Variants in HFM1 observed in about 807,000 individuals in gnomAD.
HFM1 encodes helicase for meiosis 1.
Under a neutral mutation model 192.1 loss-of-function variants are expected in HFM1, and 169 were observed. That is an observed-to-expected ratio of 0.88 (90% confidence interval 0.78 to 1.00). The LOEUF (loss-of-function observed/expected upper bound fraction) is 1.00. HFM1 is among the 50% of genes least tolerant of loss of function. HFM1 has a pLI of 0.00. For synonymous variants in HFM1, 525 were observed against 537.8 expected (o/e 0.98, Z 0.33); for missense variants, 1,661 against 1,668.0 (o/e 1.00, Z 0.07).
At chr1:91,406,302 A>G (rs1664809577), upstream of HFM1, among the ~76,000 whole-genome samples, 1 of 152,196 alleles carries the variant, frequency 6.6e-6, no homozygotes, top group Admixed American at 6.5e-5. Flanking sequence ...TTGAACTAAG[A>G]TAGGGTTTGA....
At chr1:91,272,295 C>T (rs1041684482) in intron 34 of HFM1, among the ~76,000 whole-genome samples, 4 of 151,884 alleles carry the variant, frequency 2.6e-5, no homozygotes, top group Admixed American at 2.0e-4. Flanking sequence ...AAAGGTTATA[C>T]TAAATATCAG....
At chr1:91,349,846 A>C (rs1656687609) in intron 18 of HFM1, among the ~76,000 whole-genome samples, 1 of 152,234 alleles carries the variant, frequency 6.6e-6, no homozygotes, top group Non-Finnish European at 1.5e-5. Flanking sequence ...TGGAAAACTA[A>C]TACAATATGC....
At chr1:91,371,903 C>T (rs539699367) in intron 13 of HFM1, among the ~76,000 whole-genome samples, 1 of 152,134 alleles carries the variant, frequency 6.6e-6, no homozygotes, top group Non-Finnish European at 1.5e-5. Context: ...AAAAAACAAA[C>T]AACCCCAACA....
At chr1:91,290,885 G>A (rs1018401629) in intron 30 of HFM1, among the ~76,000 whole-genome samples, 1 of 152,058 alleles carries the variant, frequency 6.6e-6, no homozygotes, top group East Asian at 1.9e-4. Context: ...CTAGAACTCA[G>A]GATTAAGAAT....
chr1:91,353,030 C>T (rs199647807), intron 15 of HFM1, 21 bp downstream of exon 15: 82 of 1,430,424 alleles, frequency 5.7e-5, no homozygotes, highest in East Asian at 1.1e-4. Context: ...ATAGTATCCA[C>T]GAGAAATATG....
rs566024375 is a variant in HFM1, at chr1:91,269,036, C to T, written c.3773-1181G>A. Among the ~76,000 whole-genome samples the T allele has an allele frequency of 2.4e-3, 358 of 152,222 alleles. 3 individuals carry two copies. The highest frequency in any genetic ancestry group is 6.7e-3 in the Admixed American group (103 of 15,290). On this transcript the variant is annotated intron_variant, in intron 34 of 38. Coordinates refer to ENST00000370425, the MANE Select transcript of HFM1 (RefSeq NM_001017975.6). ...ATGTAATGGCTACAATAACAACACACATTTGTTTAATCTACAATATTAAAA... is the reference window on the plus strand; with the variant it reads ...ATGTAATGGCTACAATAACAACACATATTTGTTTAATCTACAATATTAAAA...
chr1:91,329,980 C>T (rs1408752937), intron 20 of HFM1, among the ~76,000 whole-genome samples: 2 of 152,194 alleles, frequency 1.3e-5, no homozygotes, highest in African/African-American at 2.4e-5. Context: ...GAAGGCGCAT[C>T]TTAGCAGATG....
chr1:91,351,791 T>G, intron 16 of HFM1, 148 bp from the exon 17 acceptor site: 1 of 408,476 alleles, frequency 2.4e-6, no homozygotes. Context: ...TCTCATTTTT[T>G]TAACCTAAAA....
intron 20 of HFM1, among the ~76,000 whole-genome samples, chr1:91,334,434 G>T (rs1654283508): frequency 6.6e-6 from 1 of 152,116 alleles, no homozygotes; most frequent in Non-Finnish European, 1.5e-5. Flanking sequence ...CCCTGAAAGA[G>T]CCCTCAAATG....
chr1:91,313,350 T>C lies in HFM1; in HGVS notation c.3390A>G (p.Lys1130=). The C allele has an allele frequency of 6.4e-7, 1 of 1,554,808 alleles. No individual in the cohort carries two copies. The highest frequency in any genetic ancestry group is 1.8e-5 in the Admixed American group (1 of 56,294). Residue 1130 remains lysine (K), a splice_region_variant and synonymous_variant, in exon 30 of 39, where the codon AAA becomes AAG. Coordinates refer to ENST00000370425, the MANE Select transcript of HFM1 (RefSeq NM_001017975.6). ...SDISTIAGPN[K]GTTASKKPGN... is the part of the protein sequence containing the mutation. ...ATAGGAATTAATACAGCTATTTACC[T>C]TTATTAGGTCCTGCTATTGTAGATA... is the stretch of plus-strand genomic sequence containing the variant.
chr1:91,316,035 G>T, intron 27 of HFM1, 63 bp from the exon 28 acceptor site: 1 of 1,461,944 alleles, frequency 6.8e-7, no homozygotes, highest in South Asian at 1.2e-5. Context: ...CTCAGCTGAA[G>T]CCTATTTATA....
At chr1:91,289,553 G>A (rs1177112946) in intron 30 of HFM1, among the ~76,000 whole-genome samples, 10 of 152,128 alleles carry the variant, frequency 6.6e-5, no homozygotes, top group Non-Finnish European at 1.5e-4. Context: ...ACACGCCACT[G>A]CACTCCAGCC....
intron 20 of HFM1, among the ~76,000 whole-genome samples, chr1:91,336,395 T>C (rs538066695): frequency 2.6e-5 from 4 of 151,310 alleles, no homozygotes; most frequent in African/African-American, 9.7e-5. Flanking sequence ...CTCCTCCCCT[T>C]TCCCTCCTTA....
intron 20 of HFM1, among the ~76,000 whole-genome samples, chr1:91,334,758 G>A (rs1654331711): frequency 6.6e-6 from 1 of 151,918 alleles, no homozygotes; most frequent in African/African-American, 2.4e-5. Context: ...GTGAAACCCT[G>A]TCTCTACTAA....
rs961369035 is a variant in HFM1 at position 91,289,688 on chromosome 1, C to T, written c.3392-12626G>A. On this transcript the variant is annotated intron_variant, in intron 30 of 38. Coordinates refer to ENST00000370425, the MANE Select transcript of HFM1 (RefSeq NM_001017975.6). ...CAGCCCGGCCAACACAGCGAAACCC[C>T]GTCTCTACCAAAAAATACAAAAACC... Among the ~76,000 whole-genome samples, 11 of 152,216 alleles carry T rather than the reference C, an allele frequency of 7.2e-5. No individual in the cohort carries two copies. In the South Asian group the frequency reaches 1.0e-3, roughly 14 times the overall value.
chr1:91,297,798 C>T (rs1247619387), intron 30 of HFM1, among the ~76,000 whole-genome samples: 1 of 152,160 alleles, frequency 6.6e-6, no homozygotes, highest in Non-Finnish European at 1.5e-5. Context: ...TGTTCGTCAC[C>T]ATCATCAAAG....
In HFM1 at chr1:91,327,911, T is replaced by C. The variant is rs111971482; in HGVS notation, c.2336-3145A>G. Reference sequence around the variant, plus strand: ...ATTCAGATGAAAAGTGAAAAATTTTTTGAAACAAATGATAATGGAAACACA... The same window carrying C: ...ATTCAGATGAAAAGTGAAAAATTTTCTGAAACAAATGATAATGGAAACACA... On this transcript the variant is annotated intron_variant, in intron 20 of 38. Coordinates refer to ENST00000370425, the MANE Select transcript of HFM1 (RefSeq NM_001017975.6). 2.5e-3 allele frequency among the ~76,000 whole-genome samples: 385 copies of C among 152,242 alleles called. 3 individuals carry two copies. The highest frequency in any genetic ancestry group is 8.6e-3 in the African/African-American group (357 of 41,562).
chr1:91,350,879 A>G lies in HFM1; in HGVS notation c.2073-8T>C. 1 of 1,560,500 alleles carries G rather than the reference A, an allele frequency of 6.4e-7. No homozygotes were observed. Among genetic ancestry groups the G allele is most frequent in the South Asian group, 1.2e-5 (1 of 82,718 alleles). On this transcript the variant is annotated splice_region_variant and splice_polypyrimidine_tract_variant and intron_variant, in intron 17 of 38. Coordinates refer to ENST00000370425, the MANE Select transcript of HFM1 (RefSeq NM_001017975.6). ...ATAAGATGTCTGTGCAAACTAATGAAAAAAAACTTTGCATTATGAATATGC... is the reference window on the plus strand; with the variant it reads ...ATAAGATGTCTGTGCAAACTAATGAGAAAAAACTTTGCATTATGAATATGC...
chr1:91,274,985 ATTTTTTTTTTT>A (rs369981082), intron 32 of HFM1, among the ~76,000 whole-genome samples, 176 bp from the exon 33 acceptor site: 1 of 132,976 alleles, frequency 7.5e-6, no homozygotes, highest in Non-Finnish European at 1.6e-5. Flanking sequence ...AAATGTTGGC[ATTTTTTTTTTT>A]TTTTTTGAGA....
Sources: allele counts gnomAD v4.1 joint callset (sites outside exome capture counted in the v4.1 genomes callset), GRCh38; gene constraint gnomAD v4.1.1; transcripts MANE v1.5; gene names NCBI Gene and HGNC (gene_info 2026-07-23, HGNC 2026-07-21).